The following RBM41 variants were observed in gnomAD, a reference collection of about 807,000 sequenced individuals.
RBM41 encodes the protein RNA-binding protein 41.
Under a neutral mutation model 30.8 loss-of-function variants are expected in RBM41, and 14 were observed. The observed-to-expected ratio is 0.45, with a 90% CI of 0.30 to 0.71. The LOEUF (loss-of-function observed/expected upper bound fraction) is 0.71. RBM41 is among the 30% of genes least tolerant of loss of function. RBM41 has a pLI of 0.08. For missense variants in RBM41, 276 were observed against 326.3 expected, an observed-to-expected ratio of 0.85 and a Z score of 1.19; for synonymous variants, 120 against 110.1, an observed-to-expected ratio of 1.09 and a Z score of -0.56.
intron 5 of RBM41, among the ~76,000 whole-genome samples, chrX:107,111,614 T>G (rs1196088894): frequency 1.8e-5 from 2 of 111,670 alleles, no homozygotes; most frequent in Non-Finnish European, 3.8e-5. Flanking sequence ...GCAGCATTAT[T>G]CACAAAAGCT....
chrX:107,116,656 A>G lies in RBM41; in HGVS notation c.119T>C (p.Ile40Thr). 1 of 1,210,202 alleles carries G rather than the reference A, an allele frequency of 8.3e-7. No individual in the cohort carries two copies. The highest frequency in any genetic ancestry group is 1.1e-6 in the Non-Finnish European group (1 of 895,252). The change falls in exon 2 of 8, where the codon ATT becomes ACT. Residue 40 changes from isoleucine (I) to threonine (T), a missense_variant. By Grantham distance (89) the Ile-to-Thr change is moderately conservative. Coordinates refer to ENST00000685964, the MANE Select transcript of RBM41 (RefSeq NM_001324242.2). ...TTGCAAAATCAATACCTACTCCTCA[A>G]TGGAGACAGAAGTATCAAGTTGATG... Reference protein sequence around the residue: ...LQHQLDTSVSIEECMSKKESF... With the variant: ...LQHQLDTSVSTEECMSKKESF...
downstream of RBM41, among the ~76,000 whole-genome samples, chrX:107,058,245 A>G (rs1935601493): frequency 1.0e-5 from 1 of 99,563 alleles, no homozygotes; most frequent in Non-Finnish European, 2.0e-5. Context: ...GTGAGCAGAG[A>G]TTGCGCCATT....
chrX:107,088,328 A>T, intron 6 of RBM41, 108 bp downstream of exon 6: 1 of 763,035 alleles, frequency 1.3e-6, no homozygotes, highest in Middle Eastern at 3.4e-4. Context: ...CACTGTGCCT[A>T]TATCATGATT....
intron 5 of RBM41, among the ~76,000 whole-genome samples, chrX:107,106,282 T>C (rs1353011058): frequency 8.9e-6 from 1 of 112,369 alleles, no homozygotes; most frequent in East Asian, 2.8e-4. Context: ...TCATCATTAC[T>C]GGCCATCAGA....
intron 5 of RBM41, among the ~76,000 whole-genome samples, chrX:107,110,048 C>T (rs1007549227): frequency 2.7e-5 from 3 of 110,186 alleles, no homozygotes; most frequent in Non-Finnish European, 5.7e-5. Context: ...CACACAAATT[C>T]GGCCAATTGA....
chrX:107,075,564 A>G (rs895099469), intron 6 of RBM41, among the ~76,000 whole-genome samples: 1 of 112,370 alleles, frequency 8.9e-6, no homozygotes, highest in African/African-American at 3.2e-5. Context: ...CCTCATTAAA[A>G]TATGGGCAAA....
intron 6 of RBM41, among the ~76,000 whole-genome samples, chrX:107,079,842 T>C (rs772331070): frequency 8.9e-6 from 1 of 112,138 alleles, no homozygotes; most frequent in East Asian, 2.8e-4. Context: ...TAGTTTTCCC[T>C]CTTCCAGAAT....
chrX:107,105,124 G>A (rs1350832762), intron 5 of RBM41, among the ~76,000 whole-genome samples: 9 of 111,293 alleles, frequency 8.1e-5, no homozygotes, highest in African/African-American at 9.8e-5. Flanking sequence ...AAACCCCACC[G>A]TCTCAGCCCA....
chrX:107,065,622 GTA>G lies in RBM41; in HGVS notation c.*1903_*1904del, dbSNP rs1935808386. On this transcript the variant is annotated 3_prime_UTR_variant, in exon 8 of 8. Transcript: ENST00000685964. Reference sequence around the variant, plus strand: ...TTAAAAGAAGCTGAGAGAAGAGTAAGTATATGTTTATAGTTTTTTTATATTAA... The same window carrying G: ...TTAAAAGAAGCTGAGAGAAGAGTAAGTATGTTTATAGTTTTTTTATATTAA... 7.4e-6 allele frequency: 4 copies of G among 538,285 alleles called. No individual in the cohort carries two copies. The highest frequency in any genetic ancestry group is 5.5e-5 in the South Asian group (1 of 18,110). 44.4% of individuals were successfully genotyped at this position (538,285 alleles called of 1,213,427 possible).
chrX:107,052,806 T>C, the RBM41 span, among the ~76,000 whole-genome samples: 2 of 111,836 alleles, frequency 1.8e-5, no homozygotes, highest in South Asian at 7.7e-4. Flanking sequence ...AGGGCATCCA[T>C]TGGCTGAGGA....
Position 107,063,296 on chromosome X carries a change from T to A in RBM41, c.*4231A>T, listed in dbSNP as rs1410919976. Among the ~76,000 whole-genome samples, 1 of 111,649 alleles carries A rather than the reference T, an allele frequency of 9.0e-6. No homozygotes were observed. The highest frequency in any genetic ancestry group is 3.3e-5 in the African/African-American group (1 of 30,727). The stretch of plus-strand genomic sequence containing the variant: ...GCCAATTCTGGACACTTCATATAAA[T>A]AGTATCATATAATATGTAGTCTTTT... On this transcript the variant is annotated 3_prime_UTR_variant, in exon 8 of 8. Coordinates refer to ENST00000685964, the MANE Select transcript of RBM41 (RefSeq NM_001324242.2).
At chrX:107,058,743 T>C (rs1935604769), downstream of RBM41, among the ~76,000 whole-genome samples, 1 of 111,334 alleles carries the variant, frequency 9.0e-6, no homozygotes, top group South Asian at 3.8e-4. Context: ...ACAGACTGAG[T>C]AGCTTATAAA....
chrX:107,118,644 C>T, intron 1 of RBM41, 122 bp downstream of exon 1: 1 of 935,945 alleles, frequency 1.1e-6, no homozygotes, highest in Non-Finnish European at 1.5e-6. Flanking sequence ...CGTGTTCCCG[C>T]TCCCACGAAA....
At chrX:107,058,293 CAAAAAA>C (rs201428990), downstream of RBM41, among the ~76,000 whole-genome samples, 626 of 45,679 alleles carry the variant, frequency 0.014, 1 homozygote, top group African/African-American at 0.033. Flanking sequence ...AACTCCGTCT[CAAAAAA>C]AAAAAAAAAA....
chrX:107,059,795 C>A (rs1479928727), downstream of RBM41, among the ~76,000 whole-genome samples: 1 of 111,763 alleles, frequency 8.9e-6, no homozygotes, highest in South Asian at 3.7e-4. Context: ...TACTTATACT[C>A]CCATCCAAAG....
intron 7 of RBM41, among the ~76,000 whole-genome samples, chrX:107,069,004 G>A (rs1023784875): frequency 8.9e-6 from 1 of 111,784 alleles, no homozygotes; most frequent in Non-Finnish European, 1.9e-5. Flanking sequence ...AGTGAAGGGA[G>A]TACAGATTTT....
downstream of RBM41, among the ~76,000 whole-genome samples, chrX:107,057,797 A>C (rs961234109): frequency 8.0e-5 from 9 of 111,996 alleles, no homozygotes; most frequent in Non-Finnish European, 1.7e-4. Flanking sequence ...AGAAGGAGAA[A>C]ATATTTGCAA....
chrX:107,088,149 T>C (rs1310372708), intron 6 of RBM41, among the ~76,000 whole-genome samples: 2 of 111,824 alleles, frequency 1.8e-5, no homozygotes, highest in African/African-American at 3.3e-5. Flanking sequence ...GATGTTACTA[T>C]TCCTTCAATT....
At chrX:107,083,223 C>G (rs1324542945) in intron 6 of RBM41, among the ~76,000 whole-genome samples, 2 of 108,148 alleles carry the variant, frequency 1.8e-5, no homozygotes, top group African/African-American at 3.4e-5. Flanking sequence ...TTTCTTTTTA[C>G]TTTTGACACA....
Sources: allele counts gnomAD v4.1 joint callset (sites outside exome capture counted in the v4.1 genomes callset), GRCh38; gene constraint gnomAD v4.1.1; transcripts MANE v1.5; gene names NCBI Gene and HGNC (gene_info 2026-07-23, HGNC 2026-07-21).